The following CS variants were observed in gnomAD, a reference collection of about 807,000 sequenced individuals.
The protein encoded by CS is citrate synthase, mitochondrial.
A neutral mutation model predicts 61.4 loss-of-function variants in CS; 13 were observed. That is an observed-to-expected ratio of 0.21 (90% confidence interval 0.14 to 0.34). The LOEUF (loss-of-function observed/expected upper bound fraction) is 0.34. Ranked by LOEUF, CS falls within the 10% of genes least tolerant of loss-of-function variation. The pLI is 1.00. For missense variants in CS, 278 were observed against 573.4 expected (o/e 0.48, Z 5.26); for synonymous variants, 159 against 215.2 (o/e 0.74, Z 2.29).
chr12:56,278,680 T>C (rs1042532852), intron 6 of CS, among the ~76,000 whole-genome samples: 22 of 149,214 alleles, frequency 1.5e-4, no homozygotes, highest in African/African-American at 4.9e-4. Flanking sequence ...GAGGTTGCAG[T>C]GAGCCGAGGT....
intron 9 of CS, chr12:56,274,010 T>C: frequency 1.8e-6 from 1 of 569,440 alleles, no homozygotes; most frequent in Non-Finnish European, 3.1e-6. Flanking sequence ...TTTTTTTTTT[T>C]TTTTTGGTAA....
At chr12:56,295,297 T>A (rs1051428456) in intron 1 of CS, among the ~76,000 whole-genome samples, 1 of 147,298 alleles carries the variant, frequency 6.8e-6, no homozygotes, top group African/African-American at 2.5e-5. Flanking sequence ...CTGAGGCGGG[T>A]GGATCACGAG....
chr12:56,287,712 T>C (rs1243744996), intron 1 of CS, among the ~76,000 whole-genome samples: 1 of 151,780 alleles, frequency 6.6e-6, no homozygotes, highest in Admixed American at 6.6e-5. Flanking sequence ...TGGAGTGCAA[T>C]GGCACAATCT....
intron 9 of CS, 188 bp from the exon 10 acceptor site, chr12:56,273,984 C>A: frequency 1.7e-6 from 1 of 582,014 alleles, no homozygotes; most frequent in Non-Finnish European, 3.0e-6. Flanking sequence ...CAGGTGCACA[C>A]CAACACATCT....
At chr12:56,299,161 T>C (rs949448058) in intron 1 of CS, among the ~76,000 whole-genome samples, 1 of 152,126 alleles carries the variant, frequency 6.6e-6, no homozygotes, top group Non-Finnish European at 1.5e-5. Flanking sequence ...GAAGTCAAGG[T>C]CACTTGTGGG....
chr12:56,282,826 A>G (rs1407287169), intron 5 of CS, 34 bp downstream of exon 5: 5 of 1,611,330 alleles, frequency 3.1e-6, no homozygotes, highest in Non-Finnish European at 4.2e-6. Context: ...GAAGAAGGGG[A>G]ATGAGAAGAG....
intron 6 of CS, among the ~76,000 whole-genome samples, chr12:56,277,221 C>T (rs867085086): frequency 1.5e-5 from 2 of 137,662 alleles, no homozygotes; most frequent in East Asian, 2.3e-4. Context: ...AAAAAGGGGT[C>T]GGGCACAGTG....
At chr12:56,275,152 AGAGCC>A in intron 7 of CS, 21 bp from the exon 8 acceptor site, 2 of 1,613,788 alleles carry the variant, frequency 1.2e-6, no homozygotes, top group Non-Finnish European at 1.7e-6. Flanking sequence ...GTAAGAAGGG[AGAGCC>A]AAGGGAAGAA....
intron 1 of CS, among the ~76,000 whole-genome samples, chr12:56,290,558 T>C (rs189850945): frequency 2.6e-5 from 4 of 152,314 alleles, no homozygotes; most frequent in South Asian, 4.1e-4. Context: ...GTCATGTTTT[T>C]TGCTAAACCT....
At chr12:56,278,017 G>A (rs1404634116) in intron 6 of CS, among the ~76,000 whole-genome samples, 1 of 152,172 alleles carries the variant, frequency 6.6e-6, no homozygotes, top group African/African-American at 2.4e-5. Flanking sequence ...CAATAATCCT[G>A]TAAGGTAACA....
Position 56,273,257 on chromosome 12 carries a change from G to A in CS, c.1231-3C>T. The A allele has an allele frequency of 1.2e-6, 2 of 1,613,500 alleles. No individual in the cohort carries two copies. Among genetic ancestry groups the A allele is most frequent in the Non-Finnish European group, 8.5e-7 (1 of 1,179,674 alleles). On this transcript the variant is annotated splice_region_variant and splice_polypyrimidine_tract_variant and intron_variant, in intron 10 of 10. Transcript: ENST00000351328. ...TTCATCTCCGTCATGCCATAATACT[G>A]TAAGGTAGAAGAGAAAAATATTTCA...
At chr12:56,297,711 A>C in intron 1 of CS, among the ~76,000 whole-genome samples, 1 of 152,126 alleles carries the variant, frequency 6.6e-6, no homozygotes, top group East Asian at 1.9e-4. Flanking sequence ...CTCAAAACAA[A>C]AAAAAATTTC....
At chr12:56,298,945 AG>A (rs1253718713) in intron 1 of CS, among the ~76,000 whole-genome samples, 2 of 151,932 alleles carry the variant, frequency 1.3e-5, no homozygotes, top group Non-Finnish European at 2.9e-5. Context: ...GGGAAGCTGA[AG>A]TGGGAGGATT....
chr12:56,286,262 T>C (rs1447742734), intron 2 of CS: 5 of 563,760 alleles, frequency 8.9e-6, no homozygotes, highest in South Asian at 2.2e-5. Flanking sequence ...AGATGGATGG[T>C]TGCACAATAA....
chr12:56,281,029 A>AC (rs1425569812), intron 6 of CS, among the ~76,000 whole-genome samples: 2 of 152,310 alleles, frequency 1.3e-5, no homozygotes, highest in African/African-American at 4.8e-5. Context: ...TTTGCCAAGG[A>AC]CCCAAGGTGG....
intron 5 of CS, 104 bp from the exon 6 acceptor site, chr12:56,282,712 C>G: frequency 1.3e-6 from 2 of 1,520,850 alleles, no homozygotes; most frequent in Non-Finnish European, 1.8e-6. Flanking sequence ...GAGAGGTCAA[C>G]CCAATCCATT....
At chr12:56,277,992 CT>C (rs1429585651) in intron 6 of CS, among the ~76,000 whole-genome samples, 1 of 152,104 alleles carries the variant, frequency 6.6e-6, no homozygotes, top group Non-Finnish European at 1.5e-5. Context: ...TGCAGTATTA[CT>C]TTTTCTTTTC....
chr12:56,299,470 C>T (rs959652407), intron 1 of CS, among the ~76,000 whole-genome samples: 2 of 152,146 alleles, frequency 1.3e-5, no homozygotes, highest in Non-Finnish European at 2.9e-5. Context: ...CATTTATTGG[C>T]TTGCAGTTTG....
chr12:56,280,032 C>A (rs576985589), intron 6 of CS, among the ~76,000 whole-genome samples: 1 of 152,082 alleles, frequency 6.6e-6, no homozygotes, highest in Non-Finnish European at 1.5e-5. Context: ...ATAATCCCAG[C>A]ACTTTGGGGA....
Sources: gnomAD v4.1 joint callset for allele counts (sites outside exome capture counted in the v4.1 genomes callset) on GRCh38, gnomAD v4.1.1 for gene constraint, MANE v1.5 for transcripts, NCBI Gene and HGNC (gene_info 2026-07-23, HGNC 2026-07-21) for gene names.